STK39: variants seen among roughly 807,000 people sequenced by gnomAD.
STK39 encodes the protein STE20/SPS1-related proline-alanine-rich protein kinase.
STK39 carries 20 observed loss-of-function variants against 77.8 expected under a neutral mutation model. The ratio of observed to expected loss-of-function variants is 0.26; its 90% confidence interval spans 0.18 to 0.37. The LOEUF is 0.37. Among genes scored for constraint, STK39 ranks in the 10% least tolerant of loss-of-function variants. STK39 has a pLI of 1.00. For synonymous variants in STK39, 246 were observed against 234.1 expected (o/e 1.05, Z -0.47); for missense variants, 479 against 656.5 (o/e 0.73, Z 2.95).
intron 10 of STK39, among the ~76,000 whole-genome samples, chr2:168,125,718 C>CA (rs1005602842): frequency 6.6e-6 from 1 of 151,948 alleles, no homozygotes; most frequent in South Asian, 2.1e-4. Flanking sequence ...ACCACACACC[C>CA]AAAAAAAATG....
chr2:168,155,021 T>C (rs561080441), intron 5 of STK39, among the ~76,000 whole-genome samples: 2 of 152,188 alleles, frequency 1.3e-5, no homozygotes, highest in South Asian at 2.1e-4. Context: ...TAATAATGAA[T>C]TGCAGGCCCT....
At chr2:168,192,755 T>C (rs533359136) in intron 1 of STK39, among the ~76,000 whole-genome samples, 12 of 152,276 alleles carry the variant, frequency 7.9e-5, no homozygotes, top group Admixed American at 2.6e-4. Flanking sequence ...AGCACTGAAG[T>C]GTTTAAGAAT....
chr2:168,050,949 A>G (rs1685380292), intron 14 of STK39, among the ~76,000 whole-genome samples: 1 of 152,236 alleles, frequency 6.6e-6, no homozygotes, highest in Admixed American at 6.5e-5. Context: ...ATTGCTAAAT[A>G]AAGTTTAAAT....
Position 168,063,522 on chromosome 2 carries a change from C to A in STK39, c.1354G>T (p.Val452Leu). The A allele has an allele frequency of 6.2e-7, 1 of 1,612,744 alleles. No homozygotes were observed. The highest frequency in any genetic ancestry group is 1.1e-5 in the South Asian group (1 of 90,848). ...TACCTTAATCTCAAAACGAGGTTCA[C>A]GGCACAAGAAGAAGCTTCTCTGTAG... ...EDYREASSCA[V>L]NLVLRLRNSR... is the part of the protein sequence containing the mutation. Residue 452 changes from valine to leucine, a missense_variant, in exon 14 of 18, where the codon GTG becomes TTG. Val to Leu is a conservative substitution (Grantham distance 32, BLOSUM62 1). This residue lies in a region of STK39 where 244 missense variants were observed against 296.8 expected (regional missense o/e 0.82). Transcript: ENST00000355999.
intron 10 of STK39, among the ~76,000 whole-genome samples, chr2:168,104,290 TA>T (rs1187418084): frequency 5.9e-5 from 9 of 152,112 alleles, no homozygotes; most frequent in Non-Finnish European, 1.2e-4. Flanking sequence ...ACCAGAAGAA[TA>T]AATCTATTTT....
At chr2:168,177,427 G>A (rs1045907458) in intron 2 of STK39, among the ~76,000 whole-genome samples, 7 of 151,936 alleles carry the variant, frequency 4.6e-5, no homozygotes, top group Admixed American at 2.0e-4. Flanking sequence ...GAGAACTTGA[G>A]GCAATAGGAA....
At chr2:167,986,423 C>T (rs553238344) in intron 16 of STK39, among the ~76,000 whole-genome samples, 2 of 152,176 alleles carry the variant, frequency 1.3e-5, no homozygotes, top group Non-Finnish European at 2.9e-5. Context: ...TGTAGATTAC[C>T]AAACTCTCAG....
At chr2:168,051,396 CA>C (rs139703948) in intron 14 of STK39, among the ~76,000 whole-genome samples, 2 of 151,582 alleles carry the variant, frequency 1.3e-5, no homozygotes, top group South Asian at 2.1e-4. Context: ...TAAATGCCAC[CA>C]AAAAAAAGCT....
chr2:168,187,625 T>A (rs1383097279), intron 1 of STK39, among the ~76,000 whole-genome samples: 3 of 152,124 alleles, frequency 2.0e-5, no homozygotes, highest in Non-Finnish European at 4.4e-5. Context: ...CTTAGGGAAA[T>A]CCCCCCAGGT....
At chr2:168,013,620 G>C (rs527968544) in intron 15 of STK39, among the ~76,000 whole-genome samples, 4 of 152,172 alleles carry the variant, frequency 2.6e-5, no homozygotes, top group East Asian at 1.9e-4. Context: ...CACTCTAGAC[G>C]GGGGTTTGAC....
chr2:168,037,482 A>G (rs1247943216), intron 14 of STK39, among the ~76,000 whole-genome samples: 1 of 152,196 alleles, frequency 6.6e-6, no homozygotes, highest in African/African-American at 2.4e-5. Flanking sequence ...GAAATCTGAC[A>G]GTTATCTGTA....
chr2:168,214,303 C>A (rs541696979), intron 1 of STK39, among the ~76,000 whole-genome samples: 1 of 150,920 alleles, frequency 6.6e-6, no homozygotes, highest in African/African-American at 2.4e-5. Context: ...ATTTTATCTA[C>A]GTAAATTAGA....
intron 1 of STK39, among the ~76,000 whole-genome samples, chr2:168,186,348 A>T (rs1192980805): frequency 6.6e-6 from 1 of 152,178 alleles, no homozygotes. Context: ...TTTTGTTACA[A>T]CAGCCCAAGC....
At chr2:168,244,669 T>C (rs1319868650) in intron 1 of STK39, among the ~76,000 whole-genome samples, 3 of 152,238 alleles carry the variant, frequency 2.0e-5, no homozygotes, top group Non-Finnish European at 4.4e-5. Context: ...TTGTAATTCC[T>C]TATAAACATT....
intron 1 of STK39, among the ~76,000 whole-genome samples, chr2:168,220,545 G>C (rs1228031021): frequency 6.6e-6 from 1 of 152,196 alleles, no homozygotes; most frequent in Non-Finnish European, 1.5e-5. Context: ...ACTGATAGGT[G>C]AAAGAGATGA....
chr2:168,157,972 G>C (rs1688477701), intron 5 of STK39, among the ~76,000 whole-genome samples: 1 of 152,042 alleles, frequency 6.6e-6, no homozygotes, highest in African/African-American at 2.4e-5. Flanking sequence ...CCACCTCAAA[G>C]TGATCTGTTT....
At chr2:168,140,601 T>C (rs200579800) in intron 6 of STK39, 48 bp downstream of exon 6, 43 of 1,436,672 alleles carry the variant, frequency 3.0e-5, no homozygotes, top group African/African-American at 5.7e-5. Flanking sequence ...TAATGATCTG[T>C]ACGATTGTAC....
chr2:167,958,622 A>C (rs948096701), intron 17 of STK39, among the ~76,000 whole-genome samples: 1 of 152,172 alleles, frequency 6.6e-6, no homozygotes, highest in Non-Finnish European at 1.5e-5. Flanking sequence ...TCCTTGAAGC[A>C]CATGAAAAAA....
At chr2:168,090,300 TG>T in intron 10 of STK39, among the ~76,000 whole-genome samples, 1 of 152,052 alleles carries the variant, frequency 6.6e-6, no homozygotes, top group Non-Finnish European at 1.5e-5. Context: ...GTTGAATGAA[TG>T]AATGAATGAA....
Sources: gnomAD v4.1 joint callset for allele counts (sites outside exome capture counted in the v4.1 genomes callset) on GRCh38, gnomAD v4.1.1 for gene constraint, gnomAD v4.1.1 regional missense constraint, MANE v1.5 for transcripts, NCBI Gene and HGNC (gene_info 2026-07-23, HGNC 2026-07-21) for gene names.